Variants in NLK observed in about 807,000 individuals in gnomAD.
NLK encodes nemo like kinase.
Under a neutral mutation model 59.0 loss-of-function variants are expected in NLK, and 11 were observed. The ratio of observed to expected loss-of-function variants is 0.19; its 90% CI spans 0.12 to 0.31. The LOEUF (loss-of-function observed/expected upper bound fraction) is 0.31, where lower values mean the gene tolerates loss of function less well. NLK is among the 10% of genes least tolerant of loss of function. The pLI, the probability that NLK is intolerant of heterozygous loss-of-function variation, is 1.00. For synonymous variants in NLK, 235 were observed against 235.9 expected, an observed-to-expected ratio of 1.00 and a Z score of 0.03; for missense variants, 410 against 661.1, an observed-to-expected ratio of 0.62 and a Z score of 4.16.
intron 4 of NLK, among the ~76,000 whole-genome samples, chr17:28,162,415 C>T (rs747828657): frequency 6.6e-6 from 1 of 152,104 alleles, no homozygotes; most frequent in African/African-American, 2.4e-5. Flanking sequence ...GGCAGATCAT[C>T]TGAGGTCAGG....
chr17:28,129,616 A>G (rs1906436303), intron 2 of NLK, among the ~76,000 whole-genome samples: 1 of 152,192 alleles, frequency 6.6e-6, no homozygotes, highest in Non-Finnish European at 1.5e-5. Flanking sequence ...TCTACCGTAA[A>G]GAACTTAGAA....
chr17:28,195,618 C>T lies in NLK; in HGVS notation c.*982C>T, dbSNP rs1249495318. 1 of 152,528 alleles carries T rather than the reference C, an allele frequency of 6.6e-6. No individual in the cohort carries two copies. The highest frequency in any genetic ancestry group is 1.5e-5 in the Non-Finnish European group (1 of 68,022). The allele number at this position is 152,528 out of a possible 1,614,324, so 9.4% of individuals were successfully genotyped here. On this transcript the variant is annotated 3_prime_UTR_variant, in exon 11 of 11. Transcript: ENST00000407008. ...GGAATTATGTCAAATGTGTTTGTGT[C>T]CTTAGGCAAAGCTGTGGGAGTCTTG...
chr17:28,061,465 T>A (rs1009683000), intron 1 of NLK, among the ~76,000 whole-genome samples: 1 of 152,158 alleles, frequency 6.6e-6, no homozygotes, highest in South Asian at 2.1e-4. Flanking sequence ...GAGAGTAATA[T>A]AAGTTATTAC....
intron 1 of NLK, among the ~76,000 whole-genome samples, chr17:28,115,961 A>T (rs1905748848): frequency 1.3e-5 from 2 of 151,828 alleles, no homozygotes; most frequent in South Asian, 4.2e-4. Flanking sequence ...ACCTAGATTC[A>T]GTAATTAATA....
chr17:28,106,445 G>T (rs569858867), intron 1 of NLK, among the ~76,000 whole-genome samples: 1 of 152,202 alleles, frequency 6.6e-6, no homozygotes, highest in African/African-American at 2.4e-5. Context: ...GACAAGGAAT[G>T]CACAAAAACC....
At chr17:28,146,108 A>G (rs754318282) in intron 3 of NLK, among the ~76,000 whole-genome samples, 1 of 152,080 alleles carries the variant, frequency 6.6e-6, no homozygotes, top group Non-Finnish European at 1.5e-5. Context: ...ACATTCATAC[A>G]TTTTGAAAAA....
At chr17:28,171,307 G>A (rs1208442453) in intron 6 of NLK, 7 of 152,224 alleles carry the variant, frequency 4.6e-5, no homozygotes, top group Non-Finnish European at 7.4e-5. Flanking sequence ...CTTTATATTC[G>A]GCAAGCCCAG....
chr17:28,188,848 G>T (rs1434698827), intron 8 of NLK, among the ~76,000 whole-genome samples: 2 of 152,110 alleles, frequency 1.3e-5, no homozygotes, highest in Non-Finnish European at 2.9e-5. Context: ...AGTTATTCTT[G>T]TTTTGTTGAT....
At chr17:28,057,467 CAA>C (rs1338479307) in intron 1 of NLK, among the ~76,000 whole-genome samples, 1 of 152,126 alleles carries the variant, frequency 6.6e-6, no homozygotes. Context: ...ATAATTAAAA[CAA>C]AATTCAGTGT....
At chr17:28,078,036 TA>T (rs543734520) in intron 1 of NLK, among the ~76,000 whole-genome samples, 1,736 of 148,300 alleles carry the variant, frequency 0.012, 33 homozygotes, top group African/African-American at 0.039. Flanking sequence ...AAAGAATTCA[TA>T]AAAAAAAAAG....
At chr17:28,043,417 T>C in intron 1 of NLK, 86 bp downstream of exon 1, 1 of 1,220,244 alleles carries the variant, frequency 8.2e-7, no homozygotes, top group South Asian at 1.6e-5. Context: ...GTTGTCTCCA[T>C]GTTGACCAAG....
chr17:28,112,563 C>G (rs954625658), intron 1 of NLK, among the ~76,000 whole-genome samples: 10 of 152,168 alleles, frequency 6.6e-5, no homozygotes, highest in African/African-American at 2.4e-4. Context: ...GTTTTTGACA[C>G]TTTTGTCTAG....
chr17:28,173,627 T>A (rs977104939), intron 7 of NLK, among the ~76,000 whole-genome samples: 1 of 152,186 alleles, frequency 6.6e-6, no homozygotes, highest in Non-Finnish European at 1.5e-5. Context: ...CCTCTGATGG[T>A]TACATGTTTC....
chr17:28,173,091 G>A (rs533306263), intron 7 of NLK, among the ~76,000 whole-genome samples: 1 of 152,348 alleles, frequency 6.6e-6, no homozygotes, highest in African/African-American at 2.4e-5. Flanking sequence ...AAGATAGATT[G>A]CCAGATTTGC....
At chr17:28,129,675 G>A (rs761402346) in intron 2 of NLK, among the ~76,000 whole-genome samples, 1 of 152,040 alleles carries the variant, frequency 6.6e-6, no homozygotes, top group Non-Finnish European at 1.5e-5. Flanking sequence ...TGCTAAATGG[G>A]ATTTAGCTGT....
intron 5 of NLK, among the ~76,000 whole-genome samples, chr17:28,167,380 G>A (rs1304754377): frequency 6.6e-6 from 1 of 151,416 alleles, no homozygotes; most frequent in Non-Finnish European, 1.5e-5. Context: ...GGGACTACAG[G>A]TGCACACCAC....
intron 9 of NLK, 26 bp from the exon 10 acceptor site, chr17:28,192,094 T>G: frequency 4.2e-6 from 6 of 1,419,848 alleles, no homozygotes; most frequent in Non-Finnish European, 5.9e-6. Context: ...TTGTCATGGA[T>G]TGTATGATGT....
chr17:28,121,701 G>C (rs547535569), intron 1 of NLK, among the ~76,000 whole-genome samples: 1 of 151,242 alleles, frequency 6.6e-6, no homozygotes, highest in South Asian at 2.1e-4. Context: ...GTTTCACCAT[G>C]TTGGCCAGGC....
Position 28,163,406 on chromosome 17 carries a change from C to A in NLK, c.752-137C>A. The A allele has an allele frequency of 6.9e-6, 4 of 579,088 alleles. No individual in the cohort carries two copies. The South Asian group carries it at 9.3e-5, about 13-fold the overall frequency. 35.9% of individuals were successfully genotyped at this position (579,088 alleles called of 1,614,324 possible). ...TTACGGTATTTTGAGGTGGGACTAG[C>A]TTTTAATAATGTTCATTATGCAGTT... On this transcript the variant is annotated intron_variant, in intron 4 of 10. Coordinates refer to ENST00000407008, the MANE Select transcript of NLK (RefSeq NM_016231.5).
Sources: gnomAD v4.1 joint callset for allele counts (sites outside exome capture counted in the v4.1 genomes callset) on GRCh38, gnomAD v4.1.1 for gene constraint, MANE v1.5 for transcripts, NCBI Gene and HGNC (gene_info 2026-07-23, HGNC 2026-07-21) for gene names.